C2orf74: variants seen among roughly 807,000 people sequenced by gnomAD.
C2orf74 encodes the protein uncharacterized protein C2orf74.
C2orf74 carries 14 observed loss-of-function variants against 17.9 expected under a neutral mutation model. That is an observed-to-expected ratio of 0.78 (90% CI 0.52 to 1.22). The LOEUF is 1.22. Among genes scored for constraint, C2orf74 ranks in the 50% most tolerant of loss-of-function variants. The pLI, the probability that C2orf74 is intolerant of heterozygous loss-of-function variation, is 0.00. For synonymous variants in C2orf74, 79 were observed against 72.6 expected (o/e 1.09, Z -0.44); for missense variants, 217 against 218.4 (o/e 0.99, Z 0.04).
chr2:61,151,743 A>G (rs1295969179), intron 1 of C2orf74: 1 of 152,178 alleles, frequency 6.6e-6, no homozygotes. Context: ...AGGAAGCCAC[A>G]TTTGTTTTAT....
At chr2:61,149,768 T>TG (rs1316922106) in intron 1 of C2orf74, among the ~76,000 whole-genome samples, 25 of 151,972 alleles carry the variant, frequency 1.6e-4, no homozygotes, top group Admixed American at 9.2e-4. Context: ...TTAGTAAAGA[T>TG]GGGGTCCTCC....
At chr2:61,154,834 C>T (rs1228612641) in intron 1 of C2orf74, among the ~76,000 whole-genome samples, 3 of 151,842 alleles carry the variant, frequency 2.0e-5, no homozygotes, top group South Asian at 2.1e-4. Context: ...GTAGGCGGAT[C>T]GCTTGAGGTC....
chr2:61,155,646 G>A (rs545018260), intron 1 of C2orf74, among the ~76,000 whole-genome samples: 364 of 151,944 alleles, frequency 2.4e-3, no homozygotes, highest in South Asian at 5.2e-3. Flanking sequence ...TCAGCCTCCC[G>A]AGTAGCTGGG....
upstream of C2orf74, among the ~76,000 whole-genome samples, chr2:61,160,317 C>T (rs192917527): frequency 9.2e-5 from 14 of 152,148 alleles, no homozygotes; most frequent in Admixed American, 4.6e-4. Flanking sequence ...CCTGCCCCCA[C>T]GCCTGGCTAA....
intron 1 of C2orf74, among the ~76,000 whole-genome samples, chr2:61,155,752 C>T (rs536828626): frequency 6.6e-6 from 1 of 152,168 alleles, no homozygotes; most frequent in Non-Finnish European, 1.5e-5. Context: ...AATCTCCTAA[C>T]CACGTTATCC....
chr2:61,164,237 T>C (rs1685661072), intron 4 of C2orf74, 117 bp from the exon 5 acceptor site: 1 of 809,356 alleles, frequency 1.2e-6, no homozygotes, highest in African/African-American at 1.8e-5. Context: ...CTTTCCTATA[T>C]CATTTAGAAA....
At chr2:61,164,258 G>C (rs1685661268) in intron 4 of C2orf74, 96 bp from the exon 5 acceptor site, 4 of 997,244 alleles carry the variant, frequency 4.0e-6, no homozygotes, top group Middle Eastern at 2.4e-4. Context: ...TGCTTTTTCT[G>C]TTTCTCGTTA....
chr2:61,157,963 A>G (rs751583744), upstream of C2orf74: 2 of 471,230 alleles, frequency 4.2e-6, no homozygotes, highest in South Asian at 3.1e-5. Context: ...TCCTGTCACC[A>G]CGAGTGGACA....
chr2:61,160,804 A>C (rs954722443), upstream of C2orf74, among the ~76,000 whole-genome samples: 1 of 152,120 alleles, frequency 6.6e-6, no homozygotes, highest in East Asian at 1.9e-4. Context: ...CATTTTATCT[A>C]TCCATCCTTC....
At chr2:61,157,400 T>C (rs1346040373), upstream of C2orf74, among the ~76,000 whole-genome samples, 1 of 152,298 alleles carries the variant, frequency 6.6e-6, no homozygotes, top group South Asian at 2.1e-4. Flanking sequence ...ATGGGTGCTA[T>C]GCCTCTTGTA....
upstream of C2orf74, chr2:61,157,737 A>G (rs1033979874): frequency 1.5e-5 from 6 of 402,328 alleles, no homozygotes; most frequent in African/African-American, 8.3e-5. Flanking sequence ...ACTGTGGACT[A>G]TCCTGATCAG....
Position 61,150,379 on chromosome 2 carries a change from A to G in C2orf74, c.-122+5183A>G, listed in dbSNP as rs569513772. On this transcript the variant is annotated intron_variant, in intron 1 of 3. Coordinates refer to the C2orf74 transcript ENST00000426997. ...GGCATTACTGTATAAACTCCCCTTC[A>G]TGGGAAGCCTAGCTCTTGAAGGTAC... 2.4e-3 allele frequency among the ~76,000 whole-genome samples: 363 copies of G among 152,286 alleles called. 3 individuals carry two copies. The highest frequency in any genetic ancestry group is 2.7e-3 in the Admixed American group (41 of 15,294).
chr2:61,153,344 G>A (rs901918826), intron 1 of C2orf74, among the ~76,000 whole-genome samples: 16 of 151,466 alleles, frequency 1.1e-4, no homozygotes, highest in Non-Finnish European at 8.8e-5. Context: ...GCAGTGGCGC[G>A]ATCTCAGCTC....
chr2:61,147,699 A>G (rs889497178), intron 1 of C2orf74, among the ~76,000 whole-genome samples: 4 of 152,082 alleles, frequency 2.6e-5, no homozygotes, highest in South Asian at 4.1e-4. Flanking sequence ...AAAATATTCT[A>G]TACGTTGATC....
chr2:61,158,128 C>T (rs947084409), upstream of C2orf74: 3 of 396,506 alleles, frequency 7.6e-6, no homozygotes, highest in Non-Finnish European at 1.5e-5. Context: ...AACCCCTGCT[C>T]CCCCATCTTC....
chr2:61,147,208 TTTTCC>T (rs59913987), intron 1 of C2orf74, among the ~76,000 whole-genome samples: 64,581 of 146,918 alleles, frequency 0.44, 14,265 homozygotes, highest in Middle Eastern at 0.51. Context: ...TATGGGAGAT[TTTTCC>T]TTTCCTTTCC....
At chr2:61,154,887 T>G (rs1399829048) in intron 1 of C2orf74, among the ~76,000 whole-genome samples, 1 of 151,362 alleles carries the variant, frequency 6.6e-6, no homozygotes, top group African/African-American at 2.4e-5. Flanking sequence ...AAACCCCATC[T>G]CTACTTAAAA....
At chr2:61,156,300 G>A (rs764443946) in intron 1 of C2orf74, among the ~76,000 whole-genome samples, 11 of 151,516 alleles carry the variant, frequency 7.3e-5, no homozygotes, top group Non-Finnish European at 1.5e-4. Flanking sequence ...CACTTTGGGA[G>A]GGTGAGGCAG....
intron 1 of C2orf74, among the ~76,000 whole-genome samples, chr2:61,148,387 A>G (rs976942722): frequency 9.9e-5 from 15 of 151,800 alleles, no homozygotes; most frequent in Admixed American, 1.3e-4. Context: ...GGGTTTCACC[A>G]TGTTGGCCAG....
Sources: allele counts gnomAD v4.1 joint callset (sites outside exome capture counted in the v4.1 genomes callset), GRCh38; gene constraint gnomAD v4.1.1; transcripts MANE v1.5; gene names NCBI Gene and HGNC (gene_info 2026-07-23, HGNC 2026-07-21).